The following COX7B2 variants were observed in gnomAD, a reference collection of about 807,000 sequenced individuals.
COX7B2 encodes the protein cytochrome c oxidase subunit 7B2, mitochondrial.
For synonymous variants in COX7B2, 37 were observed against 32.1 expected, an observed-to-expected ratio of 1.15 and a Z score of -0.51; for missense variants, 109 against 95.9, an observed-to-expected ratio of 1.14 and a Z score of -0.57.
At chr4:46,879,836 T>G (rs1055498471) in intron 1 of COX7B2, among the ~76,000 whole-genome samples, 1 of 152,148 alleles carries the variant, frequency 6.6e-6, no homozygotes, top group Non-Finnish European at 1.5e-5. Context: ...ACCCAGAAAG[T>G]GCCACTAATT....
At chr4:46,735,293 T>A (rs1392551301) in intron 2 of COX7B2, 52 bp from the exon 3 acceptor site, 6 of 1,352,808 alleles carry the variant, frequency 4.4e-6, no homozygotes. Flanking sequence ...TTCAATTCCT[T>A]CCGCTTTGAA....
At chr4:46,810,480 A>C (rs1405336696) in intron 2 of COX7B2, among the ~76,000 whole-genome samples, 1 of 152,050 alleles carries the variant, frequency 6.6e-6, no homozygotes, top group East Asian at 1.9e-4. Context: ...GAGGCTGACA[A>C]AAGTATCTTA....
chr4:46,769,250 C>G (rs1157732517), intron 2 of COX7B2, among the ~76,000 whole-genome samples: 1 of 152,020 alleles, frequency 6.6e-6, no homozygotes, highest in East Asian at 1.9e-4. Context: ...GATACCAAAG[C>G]CAGACAAGGA....
intron 2 of COX7B2, among the ~76,000 whole-genome samples, chr4:46,752,859 G>A (rs1257886631): frequency 2.0e-5 from 3 of 151,988 alleles, no homozygotes; most frequent in African/African-American, 4.8e-5. Flanking sequence ...ATGTTCATCA[G>A]CGATATTGGT....
chr4:46,903,603 G>A (rs1720198882), intron 1 of COX7B2, among the ~76,000 whole-genome samples: 2 of 152,036 alleles, frequency 1.3e-5, no homozygotes, highest in South Asian at 2.1e-4. Context: ...AGTCCTGTAG[G>A]CTGCTCATTC....
At chr4:46,837,775 T>C (rs931702165) in intron 2 of COX7B2, among the ~76,000 whole-genome samples, 4 of 152,092 alleles carry the variant, frequency 2.6e-5, no homozygotes, top group African/African-American at 9.6e-5. Context: ...GGTAACATTC[T>C]GCTTTGTGTG....
At chr4:46,857,003 T>C (rs898457220) in intron 1 of COX7B2, among the ~76,000 whole-genome samples, 12 of 152,196 alleles carry the variant, frequency 7.9e-5, no homozygotes, top group Non-Finnish European at 1.3e-4. Flanking sequence ...AAAGTTAAAC[T>C]TCAAGTAATC....
intron 1 of COX7B2, among the ~76,000 whole-genome samples, chr4:46,852,517 C>T (rs1179316489): frequency 6.6e-6 from 1 of 151,624 alleles, no homozygotes; most frequent in Non-Finnish European, 1.5e-5. Flanking sequence ...TTGCTTTTGA[C>T]CCTCTTACCA....
intron 1 of COX7B2, among the ~76,000 whole-genome samples, chr4:46,887,938 C>A (rs549570060): frequency 6.6e-6 from 1 of 152,156 alleles, no homozygotes; most frequent in South Asian, 2.1e-4. Flanking sequence ...TATTTGGAGC[C>A]ATTAATCAAG....
intron 2 of COX7B2, among the ~76,000 whole-genome samples, chr4:46,757,424 G>T (rs1001943915): frequency 1.3e-5 from 2 of 152,080 alleles, no homozygotes; most frequent in Admixed American, 6.6e-5. Flanking sequence ...ACATATGCAT[G>T]TAAGAAACCT....
At chr4:46,894,130 C>A (rs1057269793) in intron 1 of COX7B2, among the ~76,000 whole-genome samples, 4 of 152,078 alleles carry the variant, frequency 2.6e-5, no homozygotes, top group African/African-American at 9.7e-5. Context: ...ATCAAACTAC[C>A]AACAATGTTC....
intron 1 of COX7B2, among the ~76,000 whole-genome samples, chr4:46,897,002 T>C (rs149698219): frequency 6.4e-4 from 97 of 152,326 alleles, no homozygotes; most frequent in African/African-American, 2.2e-3. Context: ...CTTTTGAACT[T>C]ACAAAACAAG....
intron 2 of COX7B2, among the ~76,000 whole-genome samples, chr4:46,810,792 T>C (rs1719247911): frequency 6.6e-6 from 1 of 152,036 alleles, no homozygotes; most frequent in African/African-American, 2.4e-5. Flanking sequence ...TGGTTTCTAC[T>C]TGAAGAACTT....
At chr4:46,908,717 T>G (rs1720553549) in intron 1 of COX7B2, among the ~76,000 whole-genome samples, 6 of 82,192 alleles carry the variant, frequency 7.3e-5, no homozygotes, top group East Asian at 3.8e-4. Flanking sequence ...CTGGGAGAAA[T>G]GAAACAAAAA....
At chr4:46,772,120 G>T in intron 2 of COX7B2, among the ~76,000 whole-genome samples, 1 of 152,024 alleles carries the variant, frequency 6.6e-6, no homozygotes, top group Non-Finnish European at 1.5e-5. Context: ...AGCCAAAAAA[G>T]GGAGATCCTT....
intron 2 of COX7B2, among the ~76,000 whole-genome samples, chr4:46,768,972 C>T (rs1716712762): frequency 6.6e-6 from 1 of 151,764 alleles, no homozygotes; most frequent in Non-Finnish European, 1.5e-5. Flanking sequence ...GAAAAAAATT[C>T]CTAGAAATAT....
At chr4:46,839,488 T>G (rs1458767593) in intron 2 of COX7B2, among the ~76,000 whole-genome samples, 1 of 151,934 alleles carries the variant, frequency 6.6e-6, no homozygotes, top group East Asian at 1.9e-4. Context: ...TCATTATTAT[T>G]AAGAGGCAGT....
chr4:46,753,096 C>G (rs1252870722), intron 2 of COX7B2, among the ~76,000 whole-genome samples: 1 of 152,044 alleles, frequency 6.6e-6, no homozygotes, highest in Non-Finnish European at 1.5e-5. Flanking sequence ...AATTTCAGAG[C>G]CTGTTATCGG....
At chr4:46,878,220 T>C (rs1277480958) in intron 1 of COX7B2, among the ~76,000 whole-genome samples, 1 of 151,878 alleles carries the variant, frequency 6.6e-6, no homozygotes, top group African/African-American at 2.4e-5. Context: ...ATAGAAACAG[T>C]AGAACAGTGG....
Sources: allele counts gnomAD v4.1 joint callset (sites outside exome capture counted in the v4.1 genomes callset), GRCh38; gene constraint gnomAD v4.1.1; transcripts MANE v1.5; gene names NCBI Gene and HGNC (gene_info 2026-07-23, HGNC 2026-07-21).